Variants in KEAP1 observed in about 807,000 individuals in gnomAD.
KEAP1 encodes kelch-like ECH-associated protein 1.
In KEAP1, 26 loss-of-function variants were observed where a neutral mutation model predicts 59.7. The observed-to-expected ratio is 0.44, with a 90% CI of 0.32 to 0.60. KEAP1 has a LOEUF of 0.60. Among genes scored for constraint, KEAP1 ranks in the 20% least tolerant of loss-of-function variants. The probability of loss-of-function intolerance (pLI) is 0.06; values close to 1 mark genes in which losing one functional copy is unlikely to be tolerated. For missense variants in KEAP1, 539 were observed against 871.4 expected (o/e 0.62, Z 4.80); for synonymous variants, 350 against 358.3 (o/e 0.98, Z 0.26).
At chr19:10,488,969 C>T (rs1914570071) in intron 5 of KEAP1, among the ~76,000 whole-genome samples, 1 of 151,644 alleles carries the variant, frequency 6.6e-6, no homozygotes, top group South Asian at 2.1e-4. Context: ...GTGGTGCGCG[C>T]CTGTGGTCCC....
chr19:10,493,594 CTCTT>C (rs1402861425), intron 2 of KEAP1, among the ~76,000 whole-genome samples: 3 of 128,956 alleles, frequency 2.3e-5, no homozygotes, highest in African/African-American at 9.0e-5. Context: ...TGGAGTCTCG[CTCTT>C]TTGCCCAGGC....
chr19:10,492,928 TCTC>T (rs1654302408), intron 2 of KEAP1, among the ~76,000 whole-genome samples: 1 of 150,672 alleles, frequency 6.6e-6, no homozygotes, highest in Non-Finnish European at 1.5e-5. Flanking sequence ...TTCAAGCAAT[TCTC>T]CTGCCTCAGC....
In KEAP1 at chr19:10,491,624, A is replaced by T. The variant is rs2144596591; in HGVS notation, c.1278T>A (p.Tyr426Ter). Reference sequence around the variant, plus strand: ...TGCAGCCGTGGGAGCCGCCGACGGCATAGATGTGGCCATCGATGACCCCCA... The same window carrying T: ...TGCAGCCGTGGGAGCCGCCGACGGCTTAGATGTGGCCATCGATGACCCCCA... Reference protein sequence around the residue: ...IGVGVIDGHIYAVGGSHGCIH... With the variant: ...IGVGVIDGHI Residue 426 changes from tyrosine (Y) to a stop codon, truncating the protein, a stop_gained, in exon 3 of 6, where the codon TAT (tyrosine) becomes TAA (stop). Transcript: ENST00000171111. LOFTEE classifies it high-confidence loss of function. The surrounding 1 kb of genome is among the most constrained non-coding windows in gnomAD (Gnocchi z 5.2). The T allele has an allele frequency of 6.3e-7, 1 of 1,592,492 alleles. No individual in the cohort carries two copies. The highest frequency in any genetic ancestry group is 8.5e-7 in the Non-Finnish European group (1 of 1,170,204).
chr19:10,491,492 C>G lies in KEAP1; in HGVS notation c.1325+85G>C. 1 of 1,221,132 alleles carries G rather than the reference C, an allele frequency of 8.2e-7. No individual in the cohort carries two copies. The allele number at this position is 1,221,132 out of a possible 1,614,324, so 75.6% of individuals were successfully genotyped here. On this transcript the variant is annotated intron_variant, in intron 3 of 5. Transcript: ENST00000171111. The surrounding 1 kb of genome is among the most constrained non-coding windows in gnomAD (Gnocchi z 5.2). ...CCTGAAGACAGGAAGAGGAAACAGC[C>G]TCAGGAAGAATACCCGGATCTCAGT...
At chr19:10,494,207 G>T (rs1265581781) in intron 2 of KEAP1, among the ~76,000 whole-genome samples, 2 of 152,042 alleles carry the variant, frequency 1.3e-5, no homozygotes, top group African/African-American at 2.4e-5. Context: ...CTTCCAAAGT[G>T]CTGGGATTAC....
At chr19:10,490,455 CAG>C (rs1273961464) in intron 3 of KEAP1, 1 of 150,080 alleles carries the variant, frequency 6.7e-6, no homozygotes, top group Non-Finnish European at 1.5e-5. Context: ...GCTGGGATAA[CAG>C]GCACCCACCA....
intron 2 of KEAP1, among the ~76,000 whole-genome samples, chr19:10,496,556 C>T (rs1285130960): frequency 1.3e-5 from 2 of 150,926 alleles, no homozygotes; most frequent in African/African-American, 2.4e-5. Flanking sequence ...AATCCCAACA[C>T]TTTGGGAGGC....
At position 10,499,376 on chromosome 19, in the gene KEAP1, G is replaced by T. The variant is rs751199008; in HGVS notation, c.639+19C>A. On this transcript the variant is annotated intron_variant, in intron 2 of 5. Coordinates refer to ENST00000171111, the MANE Select transcript of KEAP1 (RefSeq NM_203500.2). This position sits in a 1 kb window ranked among gnomAD's most constrained non-coding sequence, Gnocchi z 6.7. ...GGTCCTTCTCCTGACACTGCCCCCA[G>T]CCCCACTTCCCCGCTCACCTCCCCA... 2 of 1,553,540 alleles carry T rather than the reference G, an allele frequency of 1.3e-6. No individual in the cohort carries two copies. The highest frequency in any genetic ancestry group is 3.8e-5 in the Admixed American group (2 of 52,532).
chr19:10,493,244 C>T (rs1489279028), intron 2 of KEAP1, among the ~76,000 whole-genome samples: 3 of 151,614 alleles, frequency 2.0e-5, no homozygotes, highest in Non-Finnish European at 2.9e-5. Context: ...CTGCAACCTC[C>T]GCCTCCTGGG....
chr19:10,487,912 T>C (rs942596235), intron 5 of KEAP1, among the ~76,000 whole-genome samples: 1 of 152,022 alleles, frequency 6.6e-6, no homozygotes, highest in Non-Finnish European at 1.5e-5. Context: ...GCAGATCACC[T>C]GAGGTCAGGA....
At chr19:10,492,326 C>T (rs2144605837) in intron 2 of KEAP1, 64 bp from the exon 3 acceptor site, 1 of 1,268,506 alleles carries the variant, frequency 7.9e-7, no homozygotes, top group Non-Finnish European at 1.1e-6. Context: ...CCAAGCAGGA[C>T]CGGGACAAGT....
chr19:10,499,409 T>A lies in KEAP1; in HGVS notation c.625A>T (p.Met209Leu), dbSNP rs756706383. Residue 209 changes from methionine to leucine, a missense_variant, in exon 2 of 6, where the codon ATG (methionine) becomes TTG (leucine). Coordinates refer to ENST00000171111, the MANE Select transcript of KEAP1 (RefSeq NM_203500.2). This position sits in a 1 kb window ranked among gnomAD's most constrained non-coding sequence, Gnocchi z 6.7. The part of the protein sequence containing the change: ...LHQRAREYIY[M>L]HFGEVAKQEE... Reference sequence around the variant, plus strand: ...TCCCCGCTCACCTCCCCAAAATGCATGTAGATGTACTCCCGGGCACGCTGG... The same window carrying A: ...TCCCCGCTCACCTCCCCAAAATGCAAGTAGATGTACTCCCGGGCACGCTGG... 1 of 1,605,204 alleles carries A rather than the reference T, an allele frequency of 6.2e-7. No homozygotes were observed. The highest frequency in any genetic ancestry group is 8.5e-7 in the Non-Finnish European group (1 of 1,176,280).
rs547713274 is a variant in KEAP1, at chr19:10,489,756, C to T, written c.1423G>A (p.Val475Met). 6.2e-6 allele frequency: 10 copies of T among 1,614,028 alleles called. No homozygotes were observed. The highest frequency in any genetic ancestry group is 1.7e-5 in the Admixed American group (1 of 59,912). Residue 475 changes from valine to methionine, a missense_variant, in exon 4 of 6, where the codon GTG becomes ATG. Physicochemically the swap from Val to Met is conservative, Grantham distance 21. Transcript: ENST00000171111. Reference protein sequence around the residue: ...VAVLNRLLYAVGGFDGTNRLN... With the variant: ...VAVLNRLLYAMGGFDGTNRLN... Reference sequence around the variant, plus strand: ...CGGTTTGTCCCGTCAAAGCCCCCCACGGCATAAAGGAGACGATTGAGGACA... The same window carrying T: ...CGGTTTGTCCCGTCAAAGCCCCCCATGGCATAAAGGAGACGATTGAGGACA...
chr19:10,493,922 C>T (rs1312506844), intron 2 of KEAP1, among the ~76,000 whole-genome samples: 3 of 152,078 alleles, frequency 2.0e-5, no homozygotes, highest in Admixed American at 6.6e-5. Context: ...GCTAGGATTA[C>T]AGGCGTGAGC....
rs1013928692 is a variant in KEAP1 at position 10,492,295 on chromosome 19, T to G, written c.640-33A>C. ...GGGCGACAGTGGGACGGGCTGACTC[T>G]CCAGTCACCCCCACACCTCACCAAG... On this transcript the variant is annotated intron_variant, in intron 2 of 5. Coordinates refer to ENST00000171111, the MANE Select transcript of KEAP1 (RefSeq NM_203500.2). The G allele has an allele frequency of 3.3e-6, 5 of 1,538,010 alleles. No individual in the cohort carries two copies. The Admixed American group carries it at 6.8e-5, about 21-fold the overall frequency.
intron 2 of KEAP1, among the ~76,000 whole-genome samples, chr19:10,498,530 A>G (rs1437741713): frequency 6.6e-6 from 1 of 152,086 alleles, no homozygotes; most frequent in Non-Finnish European, 1.5e-5. Context: ...TTCTATAGAT[A>G]ATTTCCTTCA....
Position 10,501,201 on chromosome 19 carries a change from C to T in KEAP1, c.-47-1121G>A, listed in dbSNP as rs546574375. On this transcript the variant is annotated intron_variant, in intron 1 of 5. Transcript: ENST00000171111. ...GACTTAAGGAAGGGTTTCATGGAAA[C>T]CCCTGGATCCTGGAGGGCCAGGAGA... is the stretch of plus-strand genomic sequence containing the variant. Among the ~76,000 whole-genome samples the T allele has an allele frequency of 2.9e-3, 445 of 152,168 alleles. 7 individuals are homozygous for T. Among genetic ancestry groups the T allele is most frequent in the East Asian group, 1.2e-3 (6 of 5,148 alleles).
At chr19:10,497,383 T>C (rs1914887998) in intron 2 of KEAP1, among the ~76,000 whole-genome samples, 1 of 152,154 alleles carries the variant, frequency 6.6e-6, no homozygotes, top group Admixed American at 6.6e-5. Flanking sequence ...CCATCCCAGC[T>C]GGTACCAGCC....
rs1454940381 is a variant in KEAP1 at position 10,499,835 on chromosome 19, T to C, written c.199A>G (p.Met67Val). Residue 67 changes from methionine (M) to valine (V), a missense_variant, in exon 2 of 6, where the codon ATG (methionine) becomes GTG (valine). Transcript: ENST00000171111. This position sits in a 1 kb window ranked among gnomAD's most constrained non-coding sequence, Gnocchi z 6.7. Reference sequence around the variant, plus strand: ...TGCTGGCTGAGCCGCAGCTCGTTCATGATGCCAAAGGCCTGCTTGGTATGA... The same window carrying C: ...TGCTGGCTGAGCCGCAGCTCGTTCACGATGCCAAAGGCCTGCTTGGTATGA... ...EDHTKQAFGI[M>V]NELRLSQQLC... The C allele has an allele frequency of 6.2e-7, 1 of 1,613,866 alleles. No individual in the cohort carries two copies. Among genetic ancestry groups the C allele is most frequent in the Non-Finnish European group, 8.5e-7 (1 of 1,180,026 alleles).
Sources: allele counts gnomAD v4.1 joint callset (sites outside exome capture counted in the v4.1 genomes callset), GRCh38; gene constraint gnomAD v4.1.1; non-coding constraint Gnocchi (gnomAD v3.1); transcripts MANE v1.5; gene names NCBI Gene and HGNC (gene_info 2026-07-23, HGNC 2026-07-21).